The following BPI variants were observed in gnomAD, a reference collection of about 807,000 sequenced individuals.
The protein encoded by BPI is bactericidal permeability increasing protein.
BPI carries 48 observed loss-of-function variants against 57.6 expected under a neutral mutation model. The observed-to-expected ratio is 0.83, with a 90% CI of 0.66 to 1.06. BPI has a LOEUF of 1.06. BPI is among the 50% of genes least tolerant of loss of function. The probability of loss-of-function intolerance (pLI) is 0.00; values close to 1 mark genes in which losing one functional copy is unlikely to be tolerated. For missense variants in BPI, 651 were observed against 609.7 expected (o/e 1.07, Z -0.71); for synonymous variants, 237 against 238.2 (o/e 0.99, Z 0.05).
chr20:38,326,237 C>G (rs185095247), intron 9 of BPI, 28 bp from the exon 10 acceptor site: 1 of 1,591,648 alleles, frequency 6.3e-7, no homozygotes, highest in African/African-American at 1.3e-5. Flanking sequence ...CTCCTCCTTT[C>G]GTTGATTGTC....
chr20:38,307,588 C>T lies in BPI; in HGVS notation c.152C>T (p.Ala51Val). ...LDYASQQGTA[A>V]LQKELKRIKI... Reference sequence around the variant, plus strand: ...TCAGCCAGCCAGCAGGGGACGGCCGCTCTGCAGAAGGAGCTGAAGAGGATC... The same window carrying T: ...TCAGCCAGCCAGCAGGGGACGGCCGTTCTGCAGAAGGAGCTGAAGAGGATC... Residue 51 changes from alanine to valine, a missense_variant, in exon 2 of 15, where the codon GCT (alanine) becomes GTT (valine). Coordinates refer to ENST00000642449, the MANE Select transcript of BPI (RefSeq NM_001725.3). 3 of 1,609,144 alleles carry T rather than the reference C, an allele frequency of 1.9e-6. No individual in the cohort carries two copies. The highest frequency in any genetic ancestry group is 2.5e-6 in the Non-Finnish European group (3 of 1,178,148).
intron 12 of BPI, 78 bp downstream of exon 12, chr20:38,331,168 C>A: frequency 6.7e-7 from 1 of 1,491,288 alleles, no homozygotes; most frequent in Non-Finnish European, 9.3e-7. Context: ...AGGCTCAAGG[C>A]ATTATTTAAG....
chr20:38,319,983 T>C (rs1472874125), intron 6 of BPI, 200 bp from the exon 7 acceptor site: 2 of 589,554 alleles, frequency 3.4e-6, no homozygotes, highest in African/African-American at 3.7e-5. Flanking sequence ...AAGAAGAGAG[T>C]AAGGGGGTGT....
At chr20:38,306,615 G>C (rs1192700558) in intron 1 of BPI, among the ~76,000 whole-genome samples, 1 of 152,196 alleles carries the variant, frequency 6.6e-6, no homozygotes, top group Admixed American at 6.5e-5. Context: ...ACTAGAAGCT[G>C]ACCGGGTGAA....
intron 11 of BPI, among the ~76,000 whole-genome samples, chr20:38,329,005 C>CTAAATAAATAGATAAA (rs142025830): frequency 9.0e-4 from 122 of 134,940 alleles, no homozygotes; most frequent in East Asian, 8.1e-3. Context: ...GACCCTGTCT[C>CTAAATAAATAGATAAA]TAAATAAATA....
intron 7 of BPI, among the ~76,000 whole-genome samples, chr20:38,320,495 C>T (rs1001803151): frequency 4.0e-5 from 6 of 151,528 alleles, no homozygotes; most frequent in African/African-American, 1.5e-4. Context: ...AAGGCCTTTG[C>T]CCTTGCTTTT....
At chr20:38,327,452 C>T in intron 10 of BPI, 136 bp from the exon 11 acceptor site, 1 of 863,136 alleles carries the variant, frequency 1.2e-6, no homozygotes. Context: ...CTCCCCACTC[C>T]TCTGGCTCTG....
intron 4 of BPI, among the ~76,000 whole-genome samples, chr20:38,311,650 G>A (rs1263293655): frequency 6.6e-6 from 1 of 152,134 alleles, no homozygotes; most frequent in African/African-American, 2.4e-5. Flanking sequence ...GAATGAGACT[G>A]GGACGGGGGC....
At chr20:38,305,516 A>T (rs568527559) in intron 1 of BPI, among the ~76,000 whole-genome samples, 8 of 152,136 alleles carry the variant, frequency 5.3e-5, no homozygotes, top group Non-Finnish European at 1.2e-4. Flanking sequence ...ATGGCATTTG[A>T]GACCCTTCGA....
intron 5 of BPI, among the ~76,000 whole-genome samples, chr20:38,314,351 A>G (rs1213576021): frequency 0.054 from 2,684 of 49,960 alleles, no homozygotes; most frequent in Middle Eastern, 0.097. Flanking sequence ...TGGTGATGGT[A>G]ATGGTGGGGA....
At chr20:38,329,016 A>G (rs6014742) in intron 11 of BPI, among the ~76,000 whole-genome samples, 12 of 104,704 alleles carry the variant, frequency 1.1e-4, no homozygotes, top group African/African-American at 5.3e-4. Context: ...TAAATAAATA[A>G]ATAAATAAAT....
At chr20:38,311,833 A>G in intron 4 of BPI, 41 bp from the exon 5 acceptor site, 1 of 1,599,380 alleles carries the variant, frequency 6.3e-7, no homozygotes, top group Non-Finnish European at 8.6e-7. Context: ...CCCAGGGACA[A>G]TCAAAAAGCC....
intron 11 of BPI, among the ~76,000 whole-genome samples, 154 bp downstream of exon 11, chr20:38,327,809 T>A (rs1335167755): frequency 2.6e-5 from 4 of 152,184 alleles, no homozygotes; most frequent in Non-Finnish European, 5.9e-5. Context: ...GGCCACAGTA[T>A]CCCCATTTTG....
chr20:38,317,833 A>G (rs764796064), intron 5 of BPI: 38 of 1,503,034 alleles, frequency 2.5e-5, no homozygotes, highest in Non-Finnish European at 3.1e-5. Context: ...GGCCCAAGTC[A>G]GATTTTCTCA....
chr20:38,313,383 CAAAAAAAAAAAAAAAA>C (rs60202764), intron 5 of BPI, among the ~76,000 whole-genome samples: 1 of 84,592 alleles, frequency 1.2e-5, no homozygotes. Flanking sequence ...AACCCTGTCT[CAAAAAAAAAAAAAAAA>C]AAAAAAAAAA....
At chr20:38,320,013 G>A in intron 6 of BPI, 170 bp from the exon 7 acceptor site, 2 of 613,302 alleles carry the variant, frequency 3.3e-6, no homozygotes, top group Non-Finnish European at 2.9e-6. Context: ...TGGGGTGTGG[G>A]TTCATTTTCC....
chr20:38,312,392 A>C (rs896710483), intron 5 of BPI, among the ~76,000 whole-genome samples: 2 of 152,212 alleles, frequency 1.3e-5, no homozygotes, highest in Non-Finnish European at 1.5e-5. Flanking sequence ...CTGAGGCTGG[A>C]ACTAGTACAA....
chr20:38,309,029 C>T lies in BPI; in HGVS notation c.345C>T (p.Ser115=), dbSNP rs5743502. The T allele has an allele frequency of 8.6e-3, 13,899 of 1,614,130 alleles. 91 individuals are homozygous for T. The highest frequency in any genetic ancestry group is 0.011 in the Middle Eastern group (69 of 6,062). Reference sequence around the variant, plus strand: ...TCAGCAACGCCAATATCAAGATCAGCGGGAAATGGAAGGCACAAAAGAGAT... The same window carrying T: ...TCAGCAACGCCAATATCAAGATCAGTGGGAAATGGAAGGCACAAAAGAGAT... ...FSISNANIKI[S]GKWKAQKRFL... is the part of the protein sequence containing the mutation. The change falls in exon 3 of 15, where the codon AGC becomes AGT. Residue 115 remains serine (S), a synonymous_variant. Coordinates refer to ENST00000642449, the MANE Select transcript of BPI (RefSeq NM_001725.3).
At position 38,309,030 on chromosome 20, in the gene BPI, G is replaced by C. The variant is rs200771214; in HGVS notation, c.346G>C (p.Gly116Arg). The C allele has an allele frequency of 1.9e-6, 3 of 1,614,208 alleles. No individual in the cohort carries two copies. Among genetic ancestry groups the C allele is most frequent in the East Asian group, 4.5e-5 (2 of 44,888 alleles). The stretch of plus-strand genomic sequence containing the variant: ...CAGCAACGCCAATATCAAGATCAGC[G>C]GGAAATGGAAGGCACAAAAGAGATT... ...SISNANIKISGKWKAQKRFLK... is the reference protein window; with the variant it reads ...SISNANIKISRKWKAQKRFLK... Residue 116 changes from glycine to arginine, a missense_variant, in exon 3 of 15, where the codon GGG becomes CGG. Coordinates refer to ENST00000642449, the MANE Select transcript of BPI (RefSeq NM_001725.3).
Sources: allele counts gnomAD v4.1 joint callset (sites outside exome capture counted in the v4.1 genomes callset), GRCh38; gene constraint gnomAD v4.1.1; transcripts MANE v1.5; gene names NCBI Gene and HGNC (gene_info 2026-07-23, HGNC 2026-07-21).